The following LY96 variants were observed in gnomAD, a reference collection of about 807,000 sequenced individuals.
LY96 encodes myeloid differentiation protein-2.
A neutral mutation model predicts 18.9 loss-of-function variants in LY96; 18 were observed. The ratio of observed to expected loss-of-function variants is 0.95; its 90% confidence interval spans 0.66 to 1.41. LY96 has a LOEUF of 1.41. LY96 is among the 40% of genes most tolerant of loss of function. The pLI is 0.00. For synonymous variants in LY96, 66 were observed against 62.6 expected, an observed-to-expected ratio of 1.06 and a Z score of -0.26; for missense variants, 175 against 182.4, an observed-to-expected ratio of 0.96 and a Z score of 0.23.
At chr8:74,027,829 A>C (rs60745123) in intron 4 of LY96, among the ~76,000 whole-genome samples, 8,646 of 152,230 alleles carry the variant, frequency 0.057, 804 homozygotes, top group African/African-American at 0.19. Flanking sequence ...GAAGACCTTC[A>C]TCTGGAGCCT....
At chr8:74,021,149 G>A (rs544388439) in intron 3 of LY96, among the ~76,000 whole-genome samples, 71 of 152,238 alleles carry the variant, frequency 4.7e-4, no homozygotes, top group Admixed American at 4.3e-3. Flanking sequence ...CAGAATGGGA[G>A]AAAATTTTTA....
intron 3 of LY96, among the ~76,000 whole-genome samples, chr8:74,019,845 A>C (rs1234815482): frequency 6.6e-6 from 1 of 152,248 alleles, no homozygotes; most frequent in Non-Finnish European, 1.5e-5. Flanking sequence ...CTAGATGCAG[A>C]AAAGGCCTTC....
At chr8:74,030,875 G>A (rs111949004), downstream of LY96, among the ~76,000 whole-genome samples, 375 of 152,322 alleles carry the variant, frequency 2.5e-3, 1 homozygote, top group Middle Eastern at 6.8e-3. Flanking sequence ...GATTAGCATG[G>A]CTGCCAGCCT....
chr8:74,064,711 A>T, the LY96 span, among the ~76,000 whole-genome samples: 2 of 152,176 alleles, frequency 1.3e-5, no homozygotes, highest in African/African-American at 2.4e-5. Flanking sequence ...TCTTTTCTCT[A>T]TAAATTACCC....
At chr8:74,003,085 T>C (rs1210816544) in intron 1 of LY96, among the ~76,000 whole-genome samples, 1 of 152,236 alleles carries the variant, frequency 6.6e-6, no homozygotes, top group Non-Finnish European at 1.5e-5. Context: ...CTTTGCCTGA[T>C]CTTTCATTTT....
intron 1 of LY96, among the ~76,000 whole-genome samples, chr8:73,996,633 G>A (rs1816153015): frequency 6.6e-6 from 1 of 151,548 alleles, no homozygotes; most frequent in African/African-American, 2.4e-5. Context: ...TGGTCAGGCT[G>A]GTCTTGAACT....
the LY96 span, among the ~76,000 whole-genome samples, chr8:74,035,705 T>A: frequency 6.6e-6 from 1 of 152,240 alleles, no homozygotes; most frequent in South Asian, 2.1e-4. Context: ...CTATTCTCTT[T>A]GAAGCCTGCT....
rs556177290 is a variant in LY96, at chr8:74,003,170, A to T, written c.113-1626A>T. On this transcript the variant is annotated intron_variant, in intron 1 of 4. Transcript: ENST00000284818. ...CAGTCTTCACAGATTGGCCTCACACAGGAACATACCCACACCTATTGTTGT... is the reference window on the plus strand; with the variant it reads ...CAGTCTTCACAGATTGGCCTCACACTGGAACATACCCACACCTATTGTTGT... 2.6e-5 allele frequency among the ~76,000 whole-genome samples: 4 copies of T among 151,668 alleles called. No homozygotes were observed. In the South Asian group the frequency reaches 8.4e-4, roughly 32 times the overall value.
chr8:74,073,390 G>T, the LY96 span, among the ~76,000 whole-genome samples: 1 of 152,164 alleles, frequency 6.6e-6, no homozygotes, highest in African/African-American at 2.4e-5. Flanking sequence ...TCTCACAGAT[G>T]ATCTCATTCA....
At chr8:74,017,059 G>A (rs181024573) in intron 3 of LY96, among the ~76,000 whole-genome samples, 1 of 152,328 alleles carries the variant, frequency 6.6e-6, no homozygotes, top group Non-Finnish European at 1.5e-5. Flanking sequence ...ACTTTGATGA[G>A]TTGACAGAAG....
chr8:74,047,310 A>G, the LY96 span, among the ~76,000 whole-genome samples: 1,011 of 152,322 alleles, frequency 6.6e-3, 9 homozygotes, highest in African/African-American at 0.023. Context: ...GCACAGTAGC[A>G]CAGACTCCAA....
chr8:73,996,584 T>C (rs529051345), intron 1 of LY96, among the ~76,000 whole-genome samples: 1 of 151,574 alleles, frequency 6.6e-6, no homozygotes, highest in Non-Finnish European at 1.5e-5. Context: ...TGCCTGGCTA[T>C]TTTTTTCTGT....
the LY96 span, among the ~76,000 whole-genome samples, chr8:74,095,848 A>C: frequency 6.6e-6 from 1 of 152,022 alleles, no homozygotes; most frequent in African/African-American, 2.4e-5. Flanking sequence ...CCACACGAGC[A>C]CCTCCAGCCC....
chr8:74,013,258 G>A (rs995315323), intron 3 of LY96, among the ~76,000 whole-genome samples: 13 of 151,992 alleles, frequency 8.6e-5, no homozygotes, highest in Non-Finnish European at 8.8e-5. Flanking sequence ...GAGTAGCTGG[G>A]ACTACAGGCG....
At chr8:74,081,125 C>CTTT in the LY96 span, among the ~76,000 whole-genome samples, 990 of 130,312 alleles carry the variant, frequency 7.6e-3, 8 homozygotes, top group South Asian at 0.017. Context: ...TTCTTTCTTT[C>CTTT]CTTCCTTCCT....
chr8:74,098,339 G>A, the LY96 span, among the ~76,000 whole-genome samples: 1 of 151,698 alleles, frequency 6.6e-6, no homozygotes. Flanking sequence ...AGAATTGTCC[G>A]AATTAAAAAA....
intron 1 of LY96, among the ~76,000 whole-genome samples, chr8:73,997,202 A>T (rs1816168007): frequency 6.6e-6 from 1 of 151,982 alleles, no homozygotes; most frequent in African/African-American, 2.4e-5. Context: ...TCATCCACCT[A>T]ATTCCTTAGG....
intron 3 of LY96, among the ~76,000 whole-genome samples, chr8:74,023,566 C>A (rs1367365880): frequency 6.6e-6 from 1 of 152,068 alleles, no homozygotes; most frequent in Non-Finnish European, 1.5e-5. Context: ...GCACAGGAGC[C>A]CCCAGTCGTG....
intron 2 of LY96, among the ~76,000 whole-genome samples, chr8:74,006,102 G>A (rs930019807): frequency 1.3e-5 from 2 of 152,144 alleles, no homozygotes; most frequent in Non-Finnish European, 2.9e-5. Flanking sequence ...TTGACACTCT[G>A]TATCTGCATT....
Sources: allele counts gnomAD v4.1 joint callset (sites outside exome capture counted in the v4.1 genomes callset), GRCh38; gene constraint gnomAD v4.1.1; transcripts MANE v1.5; gene names NCBI Gene and HGNC (gene_info 2026-07-23, HGNC 2026-07-21).